Variants in NELFA observed in about 807,000 individuals in gnomAD.
The protein encoded by NELFA is negative elongation factor complex member A.
Under a neutral mutation model 51.8 loss-of-function variants are expected in NELFA, and 35 were observed. That is an observed-to-expected ratio of 0.68 (90% CI 0.52 to 0.90). The LOEUF is 0.90. Ranked by LOEUF, NELFA falls within the 40% of genes least tolerant of loss-of-function variation. The probability of loss-of-function intolerance (pLI) is 0.00; values close to 1 mark genes in which losing one functional copy is unlikely to be tolerated. For missense variants in NELFA, 658 were observed against 746.4 expected (o/e 0.88, Z 1.38); for synonymous variants, 417 against 338.4 (o/e 1.23, Z -2.55).
Position 1,984,947 on chromosome 4 carries a change from C to T in NELFA, c.925-28G>A, listed in dbSNP as rs771258328. Reference sequence around the variant, plus strand: ...GGAACACAGAGTTTAAGGTTCCTTCCAGAAGAGGCCATGCTTCCGGCATGT... The same window carrying T: ...GGAACACAGAGTTTAAGGTTCCTTCTAGAAGAGGCCATGCTTCCGGCATGT... On this transcript the variant is annotated intron_variant, in intron 7 of 10. Transcript: ENST00000382882. 6 of 1,494,558 alleles carry T rather than the reference C, an allele frequency of 4.0e-6. No homozygotes were observed. The African/African-American group carries it at 4.2e-5, about 10-fold the overall frequency. 92.6% of individuals were successfully genotyped at this position (1,494,558 alleles called of 1,614,324 possible).
At chr4:1,997,822 A>C (rs939317878) in intron 1 of NELFA, among the ~76,000 whole-genome samples, 1 of 152,170 alleles carries the variant, frequency 6.6e-6, no homozygotes, top group East Asian at 1.9e-4. Flanking sequence ...ATGTCACCCA[A>C]CTAGGTGAGA....
chr4:1,990,025 G>A (rs866249918), intron 2 of NELFA, 156 bp from the exon 3 acceptor site: 14 of 755,426 alleles, frequency 1.9e-5, no homozygotes, highest in Middle Eastern at 3.8e-4. Flanking sequence ...GACTCCCCAC[G>A]GCTCCAGCAG....
intron 1 of NELFA, 161 bp from the exon 2 acceptor site, chr4:1,991,876 AC>A: frequency 1.5e-6 from 1 of 685,296 alleles, no homozygotes; most frequent in South Asian, 2.0e-5. Flanking sequence ...CCCCCGCCTC[AC>A]CCCAGGGCCA....
At chr4:1,991,777 C>A in intron 1 of NELFA, 62 bp from the exon 2 acceptor site, 4 of 1,510,828 alleles carry the variant, frequency 2.6e-6, no homozygotes, top group Non-Finnish European at 3.5e-6. Flanking sequence ...CCACTCCCTG[C>A]TGAGCTTCCG....
chr4:2,003,179 T>C (rs931345636), intron 1 of NELFA, among the ~76,000 whole-genome samples: 5 of 152,112 alleles, frequency 3.3e-5, no homozygotes, highest in Admixed American at 6.5e-5. Flanking sequence ...CACAATGAGA[T>C]ACCATCTCAC....
chr4:2,001,945 A>C (rs560796341), intron 1 of NELFA, among the ~76,000 whole-genome samples: 5 of 150,760 alleles, frequency 3.3e-5, no homozygotes, highest in South Asian at 4.2e-4. Flanking sequence ...TCATGCCTGT[A>C]ATCCTAGCAC....
chr4:2,003,875 G>C (rs539069689), intron 1 of NELFA: 1 of 150,972 alleles, frequency 6.6e-6, no homozygotes, highest in African/African-American at 2.4e-5. Flanking sequence ...AATAAAGGCC[G>C]GGAGCAGTGG....
chr4:1,989,790 T>G lies in NELFA; in HGVS notation c.462A>C (p.Gly154=), dbSNP rs1728218479. 2 of 1,613,910 alleles carry G rather than the reference T, an allele frequency of 1.2e-6. No homozygotes were observed. The highest frequency in any genetic ancestry group is 1.7e-5 in the Admixed American group (1 of 59,984). The change falls in exon 3 of 11, where the codon GGA becomes GGC. Residue 154 remains glycine, a synonymous_variant. Transcript: ENST00000382882. This position sits in a 1 kb window ranked among gnomAD's most constrained non-coding sequence, Gnocchi z 4.8. ...LNKNALTTLA[G]PLTPPVKHFQ... Reference sequence around the variant, plus strand: ...AATGCTTCACCGGGGGAGTGAGGGGTCCCGCGAGGGTCGTCAGGGCGTTTT... The same window carrying G: ...AATGCTTCACCGGGGGAGTGAGGGGGCCCGCGAGGGTCGTCAGGGCGTTTT...
At position 1,985,785 on chromosome 4, in the gene NELFA, C is replaced by CAAATA; in HGVS notation, c.914_915insTATTT (p.Ser306IlefsTer10). On this transcript the variant is annotated frameshift_variant, in exon 7 of 11. Coordinates refer to ENST00000382882, the MANE Select transcript of NELFA (RefSeq NM_005663.5). LOFTEE classifies it high-confidence loss of function. The stretch of plus-strand genomic sequence containing the variant: ...CAGCCCCGAGCCCTACCTGCGTGGA[C>CAAATA]ACCAGGCCGGCTGCGTAGTCCGGGG... The CAAATA allele has an allele frequency of 6.2e-7, 1 of 1,613,102 alleles. No individual in the cohort carries two copies. The highest frequency in any genetic ancestry group is 8.5e-7 in the Non-Finnish European group (1 of 1,179,726).
Position 1,989,865 on chromosome 4 carries a change from A to C in NELFA, c.387T>G (p.Gly129=). 6.2e-7 allele frequency: 1 copy of C among 1,612,770 alleles called. No homozygotes were observed. The highest frequency in any genetic ancestry group is 8.5e-7 in the Non-Finnish European group (1 of 1,179,490). Residue 129 remains glycine, a synonymous_variant, in exon 3 of 11, where the codon GGT becomes GGG. Transcript: ENST00000382882. This position sits in a 1 kb window ranked among gnomAD's most constrained non-coding sequence, Gnocchi z 4.8. ...DILGELREKV[G]ECEASAMLPL... The stretch of plus-strand genomic sequence containing the variant: ...GCAGCATGGCAGACGCTTCACACTC[A>C]CCCACTGCCGGTAAGAACCACATGA...
intron 1 of NELFA, among the ~76,000 whole-genome samples, chr4:2,002,267 G>A (rs995559126): frequency 6.6e-6 from 1 of 152,144 alleles, no homozygotes; most frequent in African/African-American, 2.4e-5. Context: ...CCATCCTCGT[G>A]GATAGGAAGA....
chr4:1,983,779 C>T (rs950909723), intron 9 of NELFA, 69 bp downstream of exon 9: 36 of 1,595,192 alleles, frequency 2.3e-5, no homozygotes, highest in Middle Eastern at 1.7e-4. Flanking sequence ...GGCACCCCCA[C>T]GCTAGGGGAG....
chr4:1,984,064 C>G lies in NELFA; in HGVS notation c.1086G>C (p.Pro362=), dbSNP rs530083263. The G allele has an allele frequency of 6.3e-7, 1 of 1,599,214 alleles. No individual in the cohort carries two copies. The highest frequency in any genetic ancestry group is 2.2e-5 in the East Asian group (1 of 44,750). Reference sequence around the variant, plus strand: ...TGAACTGCGCTGGCAACGTGGGGCTCGGGGCGCTGGGCTCCTCTGGTGGGC... The same window carrying G: ...TGAACTGCGCTGGCAACGTGGGGCTGGGGGCGCTGGGCTCCTCTGGTGGGC... ...ASRPPEEPSA[P]SPTLPAQFKQ... The change falls in exon 9 of 11, where the codon CCG becomes CCC. Residue 362 remains proline, a synonymous_variant. Coordinates refer to ENST00000382882, the MANE Select transcript of NELFA (RefSeq NM_005663.5).
intron 2 of NELFA, chr4:1,990,395 C>T: frequency 2.2e-6 from 1 of 456,776 alleles, no homozygotes; most frequent in Non-Finnish European, 4.4e-6. Context: ...CGACCTCCCA[C>T]CTGAACTGGC....
intron 1 of NELFA, among the ~76,000 whole-genome samples, chr4:2,006,063 G>A (rs1000256445): frequency 3.3e-5 from 5 of 152,186 alleles, no homozygotes; most frequent in African/African-American, 1.2e-4. Context: ...AGATACAGTG[G>A]GAGGGTTTGC....
chr4:1,995,877 AT>A (rs36104463), intron 1 of NELFA, among the ~76,000 whole-genome samples: 4,664 of 144,224 alleles, frequency 0.032, 136 homozygotes, highest in African/African-American at 0.085. Context: ...CTTCTCACTG[AT>A]TTTTTTTTTT....
chr4:1,984,798 G>GCAGA lies in NELFA; in HGVS notation c.1036+6_1036+9dup. 1.3e-6 allele frequency: 2 copies of GCAGA among 1,549,124 alleles called. No homozygotes were observed. The highest frequency in any genetic ancestry group is 1.7e-6 in the Non-Finnish European group (2 of 1,144,278). On this transcript the variant is annotated intron_variant, in intron 8 of 10. Coordinates refer to ENST00000382882, the MANE Select transcript of NELFA (RefSeq NM_005663.5). ...CTTGGCTGGTTCCAGGCTGGGGCCA[G>GCAGA]CAGACTCACCTGGGGGCGTCTCGGA...
chr4:1,984,973 G>A, intron 7 of NELFA, 54 bp from the exon 8 acceptor site: 4 of 1,338,428 alleles, frequency 3.0e-6, no homozygotes, highest in Non-Finnish European at 3.1e-6. Context: ...TCCGGCATGT[G>A]CTAACACATG....
intron 3 of NELFA, 109 bp from the exon 4 acceptor site, chr4:1,988,116 C>T (rs1728165136): frequency 5.7e-6 from 5 of 880,004 alleles, no homozygotes; most frequent in Middle Eastern, 2.2e-4. Context: ...GCCGTGAACG[C>T]TGCATTCTCT....
Sources: gnomAD v4.1 joint callset for allele counts (sites outside exome capture counted in the v4.1 genomes callset) on GRCh38, gnomAD v4.1.1 for gene constraint, Gnocchi (gnomAD v3.1) non-coding constraint, MANE v1.5 for transcripts, NCBI Gene and HGNC (gene_info 2026-07-23, HGNC 2026-07-21) for gene names.